TENM3: variants seen among roughly 807,000 people sequenced by gnomAD.
The protein encoded by TENM3 is teneurin transmembrane protein 3.
In TENM3, 63 loss-of-function variants were observed where a neutral mutation model predicts 255.1. The ratio of observed to expected loss-of-function variants is 0.25; its 90% confidence interval spans 0.20 to 0.30. The LOEUF (loss-of-function observed/expected upper bound fraction) is 0.30. Among genes scored for constraint, TENM3 ranks in the 10% least tolerant of loss-of-function variants. The pLI, the probability that TENM3 is intolerant of heterozygous loss-of-function variation, is 1.00. For synonymous variants in TENM3, 1,306 were observed against 1,322.3 expected (o/e 0.99, Z 0.27); for missense variants, 2,929 against 3,461.1 (o/e 0.85, Z 3.86).
chr4:182,233,120 G>A (rs188792537), intron 1 of TENM3, among the ~76,000 whole-genome samples: 5 of 152,278 alleles, frequency 3.3e-5, no homozygotes, highest in East Asian at 1.9e-4. Flanking sequence ...CCCAGAAGCC[G>A]CTCCAGGGAC....
the TENM3 span, among the ~76,000 whole-genome samples, chr4:181,537,367 T>C: frequency 6.6e-6 from 1 of 152,172 alleles, no homozygotes; most frequent in Non-Finnish European, 1.5e-5. Context: ...AATTTACAAA[T>C]GCCAGCGAGG....
At chr4:181,760,636 G>T in the TENM3 span, among the ~76,000 whole-genome samples, 1 of 152,042 alleles carries the variant, frequency 6.6e-6, no homozygotes, top group Non-Finnish European at 1.5e-5. Flanking sequence ...GAGAAGGTAG[G>T]GCTTCCTAGT....
chr4:181,969,152 GA>G, the TENM3 span, among the ~76,000 whole-genome samples: 2 of 152,134 alleles, frequency 1.3e-5, no homozygotes, highest in Non-Finnish European at 2.9e-5. Flanking sequence ...ACAGGATCCA[GA>G]AAATCCAATT....
chr4:181,538,956 G>A, the TENM3 span, among the ~76,000 whole-genome samples: 4 of 152,112 alleles, frequency 2.6e-5, no homozygotes, highest in African/African-American at 9.7e-5. Context: ...TTCTGTTGGG[G>A]AAAAAGTAAG....
the TENM3 span, among the ~76,000 whole-genome samples, chr4:181,670,910 G>A: frequency 6.6e-6 from 1 of 152,086 alleles, no homozygotes; most frequent in Non-Finnish European, 1.5e-5. Context: ...GCACAGGTTC[G>A]GCATTCTGGA....
chr4:181,894,295 C>T, the TENM3 span, among the ~76,000 whole-genome samples: 1 of 152,172 alleles, frequency 6.6e-6, no homozygotes, highest in African/African-American at 2.4e-5. Context: ...ACCGTAATTA[C>T]ATGAGGGCTA....
chr4:181,747,072 T>C, the TENM3 span, among the ~76,000 whole-genome samples: 9 of 152,112 alleles, frequency 5.9e-5, no homozygotes, highest in Admixed American at 5.9e-4. Flanking sequence ...TTAAAATTTG[T>C]TTATATATAT....
chr4:181,798,546 A>G, the TENM3 span, among the ~76,000 whole-genome samples: 1 of 152,176 alleles, frequency 6.6e-6, no homozygotes, highest in Non-Finnish European at 1.5e-5. Context: ...GGAAAAGAAG[A>G]CTCAATACCT....
chr4:182,469,726 A>AG (rs1229815819), intron 3 of TENM3, among the ~76,000 whole-genome samples: 1 of 152,044 alleles, frequency 6.6e-6, no homozygotes, highest in African/African-American at 2.4e-5. Context: ...AAAAAAAAAA[A>AG]AAAGAGAACT....
the TENM3 span, among the ~76,000 whole-genome samples, chr4:181,700,804 C>T: frequency 2.6e-5 from 4 of 152,208 alleles, no homozygotes; most frequent in East Asian, 3.9e-4. Context: ...CAGGACTTCC[C>T]GTCACTGAAA....
chr4:181,488,962 T>C, the TENM3 span, among the ~76,000 whole-genome samples: 1 of 152,206 alleles, frequency 6.6e-6, no homozygotes, highest in Non-Finnish European at 1.5e-5. Flanking sequence ...CAAAATCTTC[T>C]TGCCATGGCT....
At chr4:182,034,495 CT>C in the TENM3 span, among the ~76,000 whole-genome samples, 3 of 152,098 alleles carry the variant, frequency 2.0e-5, no homozygotes, top group Non-Finnish European at 4.4e-5. Context: ...GGTCTGTGTA[CT>C]TCAGTGTATT....
At chr4:181,910,550 A>G in the TENM3 span, among the ~76,000 whole-genome samples, 1 of 133,556 alleles carries the variant, frequency 7.5e-6, no homozygotes. Context: ...AAAAAAAAAA[A>G]GTGTATACAT....
chr4:182,280,521 A>G (rs967978837), intron 1 of TENM3, among the ~76,000 whole-genome samples: 1 of 152,204 alleles, frequency 6.6e-6, no homozygotes, highest in African/African-American at 2.4e-5. Flanking sequence ...GATAATTTCT[A>G]TTTTTATGGA....
At chr4:181,798,157 A>T in the TENM3 span, among the ~76,000 whole-genome samples, 2 of 151,884 alleles carry the variant, frequency 1.3e-5, no homozygotes, top group African/African-American at 4.8e-5. Context: ...AAACTCATAG[A>T]ATTTACACAC....
chr4:182,361,224 A>G (rs891892334), intron 3 of TENM3, among the ~76,000 whole-genome samples: 1 of 152,090 alleles, frequency 6.6e-6, no homozygotes, highest in African/African-American at 2.4e-5. Context: ...CTCGAGGAGT[A>G]TCTTTGTGGC....
chr4:181,699,434 C>A, the TENM3 span, among the ~76,000 whole-genome samples: 1 of 82,942 alleles, frequency 1.2e-5, no homozygotes, highest in Admixed American at 1.6e-4. Context: ...CAGAGCCAGA[C>A]CCTGTCGCAA....
At chr4:182,553,525 A>G (rs1742280057) in intron 3 of TENM3, among the ~76,000 whole-genome samples, 1 of 151,648 alleles carries the variant, frequency 6.6e-6, no homozygotes, top group African/African-American at 2.4e-5. Flanking sequence ...AACTTAAAGT[A>G]TAATAATAAT....
intron 6 of TENM3, among the ~76,000 whole-genome samples, chr4:182,656,669 G>A (rs1438225330): frequency 6.6e-6 from 1 of 152,194 alleles, no homozygotes; most frequent in Non-Finnish European, 1.5e-5. Flanking sequence ...AGAATGAACT[G>A]TGAAAAGCAT....
Sources: allele counts gnomAD v4.1 joint callset (sites outside exome capture counted in the v4.1 genomes callset), GRCh38; gene constraint gnomAD v4.1.1; transcripts MANE v1.5; gene names NCBI Gene and HGNC (gene_info 2026-07-23, HGNC 2026-07-21).